ITGB6: variants seen among roughly 807,000 people sequenced by gnomAD.
The protein encoded by ITGB6 is integrin beta-6.
A neutral mutation model predicts 84.5 loss-of-function variants in ITGB6; 80 were observed. The ratio of observed to expected loss-of-function variants is 0.95; its 90% CI spans 0.79 to 1.14. The LOEUF is 1.14. Among genes scored for constraint, ITGB6 ranks in the 50% most tolerant of loss-of-function variants. The probability of loss-of-function intolerance (pLI) is 0.00; values close to 1 mark genes in which losing one functional copy is unlikely to be tolerated. For synonymous variants in ITGB6, 383 were observed against 354.9 expected (o/e 1.08, Z -0.89); for missense variants, 1,006 against 968.0 (o/e 1.04, Z -0.52).
chr2:160,122,941 C>T (rs1473856569), intron 12 of ITGB6, among the ~76,000 whole-genome samples: 1 of 152,216 alleles, frequency 6.6e-6, no homozygotes, highest in Non-Finnish European at 1.5e-5. Flanking sequence ...TTGGCCACAT[C>T]TCTAATGTGT....
intron 4 of ITGB6, among the ~76,000 whole-genome samples, chr2:160,192,555 C>T (rs564373455): frequency 6.6e-6 from 1 of 152,084 alleles, no homozygotes; most frequent in East Asian, 1.9e-4. Context: ...GTGATCTTTA[C>T]AGTAAGCAAA....
At chr2:160,114,931 G>A (rs1270464480) in intron 12 of ITGB6, among the ~76,000 whole-genome samples, 6 of 152,228 alleles carry the variant, frequency 3.9e-5, no homozygotes, top group Admixed American at 6.5e-5. Flanking sequence ...ACTGCTAGGC[G>A]GCAGCGAGGC....
intron 12 of ITGB6, among the ~76,000 whole-genome samples, chr2:160,112,968 G>A (rs972241833): frequency 6.6e-6 from 1 of 152,214 alleles, no homozygotes; most frequent in Non-Finnish European, 1.5e-5. Context: ...AGTCCAGGAT[G>A]TATGCCAAAA....
chr2:160,142,901 A>C (rs943673793), intron 7 of ITGB6, among the ~76,000 whole-genome samples: 2 of 152,244 alleles, frequency 1.3e-5, no homozygotes, highest in African/African-American at 4.8e-5. Flanking sequence ...AAGTTTTACA[A>C]GGTGTGTGAT....
intron 4 of ITGB6, among the ~76,000 whole-genome samples, chr2:160,191,836 C>A (rs542003276): frequency 6.6e-6 from 1 of 152,028 alleles, no homozygotes; most frequent in Non-Finnish European, 1.5e-5. Context: ...AAAGTGAATA[C>A]GCAAAATCAA....
chr2:160,140,215 A>G (rs17284082), intron 8 of ITGB6, among the ~76,000 whole-genome samples: 19,436 of 152,288 alleles, frequency 0.13, 1,761 homozygotes, highest in Admixed American at 0.28. Flanking sequence ...CCTGTGAATC[A>G]TAAAGCTCCA....
intron 11 of ITGB6, among the ~76,000 whole-genome samples, chr2:160,126,004 CCCCTGAAAAGCTACTG>C (rs1683224967): frequency 6.6e-6 from 1 of 152,118 alleles, no homozygotes. Flanking sequence ...TTGTCTGTTT[CCCCTGAAAAGCTACTG>C]ACTGCATGTG....
At chr2:160,154,334 C>T (rs924591780) in intron 7 of ITGB6, among the ~76,000 whole-genome samples, 7 of 147,468 alleles carry the variant, frequency 4.7e-5, no homozygotes, top group African/African-American at 1.8e-4. Context: ...ATCACAAGGA[C>T]AGAAAACCAA....
At chr2:160,130,795 A>T (rs890180985) in intron 10 of ITGB6, among the ~76,000 whole-genome samples, 36 of 152,320 alleles carry the variant, frequency 2.4e-4, no homozygotes, top group African/African-American at 8.7e-4. Context: ...GATTCTGGAA[A>T]ATTAATATGA....
intron 7 of ITGB6, among the ~76,000 whole-genome samples, chr2:160,142,346 C>A (rs768892514): frequency 6.6e-6 from 1 of 152,154 alleles, no homozygotes; most frequent in Non-Finnish European, 1.5e-5. Context: ...CCAGAAGAGT[C>A]AAGTCTCAAA....
intron 11 of ITGB6, among the ~76,000 whole-genome samples, chr2:160,125,890 G>A (rs1272914306): frequency 6.6e-6 from 1 of 152,174 alleles, no homozygotes; most frequent in Non-Finnish European, 1.5e-5. Context: ...AAGCAGGAGA[G>A]AATTGAAAGC....
chr2:160,199,999 T>C lies in ITGB6; in HGVS notation c.61+4A>G. 6.2e-7 allele frequency: 1 copy of C among 1,611,472 alleles called. No homozygotes were observed. The highest frequency in any genetic ancestry group is 8.5e-7 in the Non-Finnish European group (1 of 1,177,854). On this transcript the variant is annotated splice_donor_region_variant and intron_variant, in intron 1 of 14. Coordinates refer to ENST00000283249, the MANE Select transcript of ITGB6 (RefSeq NM_000888.5). Reference sequence around the variant, plus strand: ...AGTAATATATCAGAGAACGCAGGTCTTACCTTGTACGTGATCATTCCTTCC... The same window carrying C: ...AGTAATATATCAGAGAACGCAGGTCCTACCTTGTACGTGATCATTCCTTCC...
At chr2:160,108,108 C>G (rs766611246) in intron 13 of ITGB6, among the ~76,000 whole-genome samples, 3 of 151,616 alleles carry the variant, frequency 2.0e-5, no homozygotes, top group African/African-American at 7.3e-5. Context: ...AAAGAGAATC[C>G]AAAAGAGTGA....
At chr2:160,195,175 C>T (rs955435078) in intron 4 of ITGB6, among the ~76,000 whole-genome samples, 194 bp downstream of exon 4, 2 of 152,182 alleles carry the variant, frequency 1.3e-5, no homozygotes, top group Admixed American at 1.3e-4. Context: ...CAAGGACCCA[C>T]GGCTAGAACC....
chr2:160,111,578 C>A (rs1444255287), intron 13 of ITGB6, among the ~76,000 whole-genome samples: 4 of 149,088 alleles, frequency 2.7e-5, no homozygotes, highest in Non-Finnish European at 5.9e-5. Flanking sequence ...ATGACTGCTG[C>A]AACTACAAGT....
intron 4 of ITGB6, among the ~76,000 whole-genome samples, chr2:160,183,814 T>C (rs796224866): frequency 4.6e-5 from 7 of 152,192 alleles, no homozygotes; most frequent in African/African-American, 1.7e-4. Context: ...TGCAATCAAA[T>C]TAGAACTGAG....
chr2:160,139,013 T>C (rs1574076513), intron 8 of ITGB6, among the ~76,000 whole-genome samples: 1 of 152,274 alleles, frequency 6.6e-6, no homozygotes, highest in South Asian at 2.1e-4. Context: ...TGTTAAAATG[T>C]AGGGGGAAAG....
rs558530807 is a variant in ITGB6 at position 160,129,297 on chromosome 2, C to T, written c.1661-2696G>A. 6.8e-4 allele frequency among the ~76,000 whole-genome samples: 102 copies of T among 149,972 alleles called. 1 individual carries two copies. Among genetic ancestry groups the T allele is most frequent in the African/African-American group, 2.4e-3 (98 of 40,632 alleles). ...TCTGTGTCATTTCCATAATATTATT[C>T]TGGGTGCCTGCCATGCGCAAGACAC... On this transcript the variant is annotated intron_variant, in intron 10 of 14. Coordinates refer to ENST00000283249, the MANE Select transcript of ITGB6 (RefSeq NM_000888.5).
intron 4 of ITGB6, among the ~76,000 whole-genome samples, chr2:160,178,391 C>A (rs979259602): frequency 1.3e-5 from 2 of 152,142 alleles, no homozygotes; most frequent in African/African-American, 4.8e-5. Flanking sequence ...CATACCATAC[C>A]GAAATGACAT....
Sources: gnomAD v4.1 joint callset for allele counts (sites outside exome capture counted in the v4.1 genomes callset) on GRCh38, gnomAD v4.1.1 for gene constraint, MANE v1.5 for transcripts, NCBI Gene and HGNC (gene_info 2026-07-23, HGNC 2026-07-21) for gene names.